The following NIPBL variants were observed in gnomAD, a reference collection of about 807,000 sequenced individuals.
NIPBL encodes NIPBL cohesin loading factor.
A neutral mutation model predicts 321.8 loss-of-function variants in NIPBL; 19 were observed. The observed-to-expected ratio is 0.06, with a 90% CI of 0.04 to 0.09. The LOEUF is 0.09. NIPBL is among the 10% of genes least tolerant of loss of function. NIPBL has a pLI of 1.00. For synonymous variants in NIPBL, 1,106 were observed against 1,114.1 expected, an observed-to-expected ratio of 0.99 and a Z score of 0.14; for missense variants, 2,210 against 3,327.0, an observed-to-expected ratio of 0.66 and a Z score of 8.26.
intron 20 of NIPBL, among the ~76,000 whole-genome samples, chr5:37,009,015 A>T (rs929062293): frequency 6.6e-6 from 1 of 152,204 alleles, no homozygotes; most frequent in Non-Finnish European, 1.5e-5. Flanking sequence ...AGTGGAATAC[A>T]GCATGCTCAG....
intron 42 of NIPBL, among the ~76,000 whole-genome samples, chr5:37,054,279 A>G (rs972336660): frequency 2.0e-5 from 3 of 152,162 alleles, no homozygotes; most frequent in African/African-American, 7.2e-5. Context: ...AAGCAAAATT[A>G]TAATTACCAT....
chr5:36,988,905 T>G (rs1214551227), intron 10 of NIPBL, among the ~76,000 whole-genome samples: 2 of 152,190 alleles, frequency 1.3e-5, no homozygotes, highest in Non-Finnish European at 2.9e-5. Flanking sequence ...CTAATTTAGA[T>G]TACTTATTTT....
chr5:36,921,892 G>A (rs1400548295), intron 1 of NIPBL, among the ~76,000 whole-genome samples: 1 of 141,922 alleles, frequency 7.0e-6, no homozygotes, highest in Non-Finnish European at 1.5e-5. Flanking sequence ...GGTTTTTTTT[G>A]TTTTTTTTTT....
chr5:36,961,571 A>G lies in NIPBL; in HGVS notation c.446A>G (p.His149Arg). ...SSNYQQTTIS[H>R]SPSSRFVPPQ... The stretch of plus-strand genomic sequence containing the variant: ...AATTATCAACAAACCACTATCTCAC[A>G]TAGCCCCTCCAGGTAATATATGTAT... Residue 149 changes from histidine (H) to arginine (R), a missense_variant, in exon 5 of 47, where the codon CAT becomes CGT. Physicochemically the swap from His to Arg is conservative, Grantham distance 29. Transcript: ENST00000282516. 1.3e-6 allele frequency: 2 copies of G among 1,584,314 alleles called. No homozygotes were observed. The highest frequency in any genetic ancestry group is 1.7e-6 in the Non-Finnish European group (2 of 1,152,946).
intron 32 of NIPBL, among the ~76,000 whole-genome samples, chr5:37,035,543 T>G (rs1459413870): frequency 6.6e-6 from 1 of 152,200 alleles, no homozygotes; most frequent in Non-Finnish European, 1.5e-5. Flanking sequence ...TTTTTAAATG[T>G]TAACTTAATT....
intron 42 of NIPBL, among the ~76,000 whole-genome samples, chr5:37,055,967 G>A (rs1251770713): frequency 6.6e-6 from 1 of 152,020 alleles, no homozygotes; most frequent in Non-Finnish European, 1.5e-5. Flanking sequence ...GGCAGTGAGT[G>A]GTATCATGTC....
At chr5:36,984,184 A>G (rs978194258) in intron 9 of NIPBL, among the ~76,000 whole-genome samples, 25 of 151,608 alleles carry the variant, frequency 1.6e-4, no homozygotes, top group African/African-American at 5.8e-4. Context: ...TTTTTTTTCC[A>G]TACTTATCTT....
chr5:36,999,449 T>G (rs142942985), intron 11 of NIPBL, among the ~76,000 whole-genome samples: 91 of 152,324 alleles, frequency 6.0e-4, no homozygotes, highest in African/African-American at 2.1e-3. Context: ...TGGTAAATAT[T>G]TGTCACTTAT....
At chr5:37,028,553 C>T (rs1750591241) in intron 32 of NIPBL, among the ~76,000 whole-genome samples, 1 of 152,008 alleles carries the variant, frequency 6.6e-6, no homozygotes, top group Non-Finnish European at 1.5e-5. Context: ...GTTGGCCAGG[C>T]TGGTCTCAAA....
At chr5:36,995,897 A>G in intron 11 of NIPBL, 93 bp downstream of exon 11, 1 of 1,100,578 alleles carries the variant, frequency 9.1e-7, no homozygotes, top group Non-Finnish European at 1.4e-6. Flanking sequence ...TAGCAAAAGC[A>G]CAGTCACCTT....
At chr5:36,981,165 A>G (rs940606955) in intron 9 of NIPBL, among the ~76,000 whole-genome samples, 5 of 151,702 alleles carry the variant, frequency 3.3e-5, no homozygotes, top group African/African-American at 1.2e-4. Context: ...AGCAGGCAGG[A>G]CTATTTGTCT....
chr5:37,008,064 G>A lies in NIPBL; in HGVS notation c.4296G>A (p.Leu1432=). 6.2e-7 allele frequency: 1 copy of A among 1,609,676 alleles called. No homozygotes were observed. Among genetic ancestry groups the A allele is most frequent in the Non-Finnish European group, 8.5e-7 (1 of 1,176,306 alleles). The change falls in exon 19 of 47, where the codon TTG becomes TTA. Residue 1432 remains leucine, a synonymous_variant. Coordinates refer to ENST00000282516, the MANE Select transcript of NIPBL (RefSeq NM_133433.4). ...FFVENVSELQ[L]CAIKLVTAVF... ...TGGAAAATGTCAGTGAACTACAGTT[G>A]TGTGCCATTAAGTTAGTCACTGCAG...
chr5:37,015,918 AT>A, intron 22 of NIPBL, 119 bp from the exon 23 acceptor site: 1 of 858,676 alleles, frequency 1.2e-6, no homozygotes, highest in Non-Finnish European at 1.9e-6. Context: ...ACATTTATAT[AT>A]TTTGTTACTA....
intron 32 of NIPBL, among the ~76,000 whole-genome samples, chr5:37,031,677 C>T (rs768140815): frequency 5.9e-5 from 9 of 152,028 alleles, no homozygotes; most frequent in African/African-American, 9.7e-5. Context: ...AAGATCTTTC[C>T]GAGTTTACAA....
At position 36,962,292 on chromosome 5, in the gene NIPBL, A is replaced by G; in HGVS notation, c.610+18A>G. ...GCAACAAGGTAAGAAAGTTGTTTGT[A>G]ACTTCACTGGGAATGTCTAAGTGCT... On this transcript the variant is annotated intron_variant, in intron 6 of 46. Transcript: ENST00000282516. The G allele has an allele frequency of 6.2e-7, 1 of 1,613,844 alleles. No individual in the cohort carries two copies. Among genetic ancestry groups the G allele is most frequent in the Non-Finnish European group, 8.5e-7 (1 of 1,179,754 alleles).
Position 36,985,559 on chromosome 5 carries a change from A to G in NIPBL, c.2379A>G (p.Leu793=). Residue 793 remains leucine (L), a synonymous_variant, in exon 10 of 47, where the codon TTA becomes TTG. Coordinates refer to ENST00000282516, the MANE Select transcript of NIPBL (RefSeq NM_133433.4). ...KQDTKSDSPR[L]KSERAEALKQ... Reference sequence around the variant, plus strand: ...ATACTAAATCTGACTCACCTCGGTTAAAATCAGAACGAGCTGAAGCCTTAA... The same window carrying G: ...ATACTAAATCTGACTCACCTCGGTTGAAATCAGAACGAGCTGAAGCCTTAA... 6.2e-7 allele frequency: 1 copy of G among 1,613,958 alleles called. No individual in the cohort carries two copies. Among genetic ancestry groups the G allele is most frequent in the Non-Finnish European group, 8.5e-7 (1 of 1,179,990 alleles).
intron 1 of NIPBL, among the ~76,000 whole-genome samples, chr5:36,907,787 A>G (rs1158095272): frequency 6.6e-6 from 1 of 152,218 alleles, no homozygotes; most frequent in African/African-American, 2.4e-5. Flanking sequence ...AAGGTCTGAA[A>G]GTTAATAATA....
intron 4 of NIPBL, 121 bp from the exon 5 acceptor site, chr5:36,961,363 A>T: frequency 1.4e-6 from 1 of 706,366 alleles, no homozygotes; most frequent in East Asian, 2.7e-5. Context: ...TTGCTCTTTG[A>T]AATGAAAACA....
chr5:36,890,240 A>T (rs1746217281), intron 1 of NIPBL, among the ~76,000 whole-genome samples: 1 of 150,412 alleles, frequency 6.6e-6, no homozygotes, highest in Non-Finnish European at 1.5e-5. Context: ...GAACATCTTT[A>T]TATGTAGTTT....
Sources: gnomAD v4.1 joint callset for allele counts (sites outside exome capture counted in the v4.1 genomes callset) on GRCh38, gnomAD v4.1.1 for gene constraint, MANE v1.5 for transcripts, NCBI Gene and HGNC (gene_info 2026-07-23, HGNC 2026-07-21) for gene names.